The following LANCL2 variants were observed in gnomAD, a reference collection of about 807,000 sequenced individuals.
The protein encoded by LANCL2 is lanC-like protein 2.
LANCL2 carries 33 observed loss-of-function variants against 56.9 expected under a neutral mutation model. The ratio of observed to expected loss-of-function variants is 0.58; its 90% confidence interval spans 0.44 to 0.78. The LOEUF is 0.78. Among genes scored for constraint, LANCL2 ranks in the 30% least tolerant of loss-of-function variants. LANCL2 has a pLI of 0.00. For synonymous variants in LANCL2, 233 were observed against 228.2 expected (o/e 1.02, Z -0.19); for missense variants, 562 against 580.2 (o/e 0.97, Z 0.32).
In LANCL2 at chr7:55,398,627, C is replaced by A. The variant is rs772769385; in HGVS notation, c.527C>A (p.Thr176Lys). ...RSDCESQECV[T>K]KLLQLQRSVV... is the part of the protein sequence containing the mutation. Reference sequence around the variant, plus strand: ...GACTGTGAGTCCCAGGAATGTGTCACAAAGTGAGTTTTAGAACTGGAAACA... The same window carrying A: ...GACTGTGAGTCCCAGGAATGTGTCAAAAAGTGAGTTTTAGAACTGGAAACA... Residue 176 changes from threonine to lysine, a missense_variant, in exon 3 of 9, where the codon ACA becomes AAA. Physicochemically the swap from Thr to Lys is moderately conservative, Grantham distance 78. Transcript: ENST00000254770. The A allele has an allele frequency of 7.4e-6, 12 of 1,611,268 alleles. No individual in the cohort carries two copies. Among genetic ancestry groups the A allele is most frequent in the African/African-American group, 1.3e-5 (1 of 74,866 alleles).
At chr7:55,430,351 A>T (rs1011393663) in intron 8 of LANCL2, among the ~76,000 whole-genome samples, 3 of 152,198 alleles carry the variant, frequency 2.0e-5, no homozygotes, top group African/African-American at 7.2e-5. Context: ...AGGAACCCTG[A>T]CGAAGGAGCC....
intron 6 of LANCL2, among the ~76,000 whole-genome samples, chr7:55,412,446 A>G (rs1002865135): frequency 6.6e-6 from 1 of 152,154 alleles, no homozygotes; most frequent in African/African-American, 2.4e-5. Flanking sequence ...TTTTCACATA[A>G]TTTTATTTTC....
intron 6 of LANCL2, among the ~76,000 whole-genome samples, chr7:55,419,375 T>A (rs1239032866): frequency 6.6e-6 from 1 of 151,454 alleles, no homozygotes; most frequent in East Asian, 1.9e-4. Context: ...AGGTCTGAAG[T>A]GATAGTTTCT....
At chr7:55,387,540 GTT>G (rs536930446) in intron 1 of LANCL2, among the ~76,000 whole-genome samples, 1 of 138,644 alleles carries the variant, frequency 7.2e-6, no homozygotes. Flanking sequence ...GTTTTTTTTG[GTT>G]TTTTTTTTTT....
intron 1 of LANCL2, among the ~76,000 whole-genome samples, chr7:55,370,378 A>G (rs984853447): frequency 6.6e-6 from 1 of 152,252 alleles, no homozygotes; most frequent in African/African-American, 2.4e-5. Flanking sequence ...GAAGCAAGAC[A>G]GTAAATCCAG....
intron 6 of LANCL2, among the ~76,000 whole-genome samples, chr7:55,421,270 CTT>C (rs34722633): frequency 2.3e-5 from 3 of 130,226 alleles, no homozygotes; most frequent in African/African-American, 5.8e-5. Flanking sequence ...TCTTTCCTGC[CTT>C]TTTTTTTTTT....
At position 55,369,572 on chromosome 7, in the gene LANCL2, C is replaced by T. The variant is rs371508376; in HGVS notation, c.204+3343C>T. 2.6e-4 allele frequency among the ~76,000 whole-genome samples: 40 copies of T among 152,280 alleles called. No individual in the cohort carries two copies. The East Asian group carries it at 3.7e-3, about 14-fold the overall frequency. On this transcript the variant is annotated intron_variant, in intron 1 of 8. Coordinates refer to ENST00000254770, the MANE Select transcript of LANCL2 (RefSeq NM_018697.4). ...GTTTTTAATTATGGAAAGCCTGTGACGCAGACACTCTTAGTTACTCATCTA... is the reference window on the plus strand; with the variant it reads ...GTTTTTAATTATGGAAAGCCTGTGATGCAGACACTCTTAGTTACTCATCTA...
chr7:55,423,779 C>T (rs1349913977), intron 6 of LANCL2, among the ~76,000 whole-genome samples: 4 of 152,198 alleles, frequency 2.6e-5, no homozygotes, highest in Admixed American at 6.5e-5. Flanking sequence ...CAAGGTCACA[C>T]AGTTAAAAGG....
chr7:55,371,331 C>T (rs1031792155), intron 1 of LANCL2, among the ~76,000 whole-genome samples: 1 of 152,122 alleles, frequency 6.6e-6, no homozygotes, highest in African/African-American at 2.4e-5. Context: ...TCAAATTATC[C>T]TCCCACCACA....
chr7:55,388,794 G>T (rs1790154458), intron 1 of LANCL2, among the ~76,000 whole-genome samples: 1 of 152,186 alleles, frequency 6.6e-6, no homozygotes. Context: ...TCAGGGGTTG[G>T]GATTCTGTCC....
intron 1 of LANCL2, among the ~76,000 whole-genome samples, chr7:55,390,628 A>G (rs911531169): frequency 6.6e-6 from 1 of 152,008 alleles, no homozygotes; most frequent in Admixed American, 6.6e-5. Context: ...TAAAAATACA[A>G]AAATTAGCTG....
intron 1 of LANCL2, among the ~76,000 whole-genome samples, chr7:55,377,507 C>G (rs1397346302): frequency 2.0e-5 from 3 of 152,008 alleles, no homozygotes; most frequent in Non-Finnish European, 2.9e-5. Context: ...TCCCAACCTC[C>G]CGTCCCCAGG....
At chr7:55,411,225 G>A (rs1320253620) in intron 5 of LANCL2, 1 of 149,170 alleles carries the variant, frequency 6.7e-6, no homozygotes, top group Admixed American at 6.6e-5. Flanking sequence ...TTTTATTTAA[G>A]TCCTTTTAAA....
At chr7:55,429,128 G>A (rs1163870579) in intron 8 of LANCL2, among the ~76,000 whole-genome samples, 2 of 152,226 alleles carry the variant, frequency 1.3e-5, no homozygotes, top group Non-Finnish European at 2.9e-5. Flanking sequence ...CAGTTTTCCT[G>A]TCTTGTGCTG....
At chr7:55,392,155 T>C (rs573633465) in intron 2 of LANCL2, among the ~76,000 whole-genome samples, 1 of 152,072 alleles carries the variant, frequency 6.6e-6, no homozygotes, top group South Asian at 2.1e-4. Context: ...TAGCCAGGTG[T>C]GGTGTCGGGC....
chr7:55,403,829 C>G, intron 5 of LANCL2, among the ~76,000 whole-genome samples: 1 of 152,084 alleles, frequency 6.6e-6, no homozygotes, highest in Non-Finnish European at 1.5e-5. Context: ...GTCAGCCTCC[C>G]AAAATGCTAG....
At position 55,399,889 on chromosome 7, in the gene LANCL2, G is replaced by T. The variant is rs111406141; in HGVS notation, c.531-68G>T. The T allele has an allele frequency of 1.0e-5, 13 of 1,270,028 alleles. No homozygotes were observed. The South Asian group carries it at 1.9e-4, about 19-fold the overall frequency. 78.7% of individuals were successfully genotyped at this position (1,270,028 alleles called of 1,614,324 possible). ...TAATAGGTAATTCCTAAAGCAACAG[G>T]GTTAGTGTTTCAGGAAGAAGTACTT... On this transcript the variant is annotated intron_variant, in intron 3 of 8. Transcript: ENST00000254770.
At chr7:55,385,098 A>G (rs1790109828) in intron 1 of LANCL2, among the ~76,000 whole-genome samples, 1 of 152,100 alleles carries the variant, frequency 6.6e-6, no homozygotes, top group South Asian at 2.1e-4. Context: ...AAGGCAGGAG[A>G]ATCGCTTGAC....
chr7:55,386,526 A>G (rs1406064987), intron 1 of LANCL2, among the ~76,000 whole-genome samples: 1 of 152,202 alleles, frequency 6.6e-6, no homozygotes, highest in African/African-American at 2.4e-5. Context: ...GTGCAGTACC[A>G]GTAATGCCAA....
Sources: allele counts gnomAD v4.1 joint callset (sites outside exome capture counted in the v4.1 genomes callset), GRCh38; gene constraint gnomAD v4.1.1; transcripts MANE v1.5; gene names NCBI Gene and HGNC (gene_info 2026-07-23, HGNC 2026-07-21).